Variants in MICAL2 observed in about 807,000 individuals in gnomAD.
MICAL2 encodes the protein microtubule associated monooxygenase, calponin and LIM domain containing 2.
MICAL2 carries 77 observed loss-of-function variants against 127.3 expected under a neutral mutation model. That is an observed-to-expected ratio of 0.60 (90% confidence interval 0.50 to 0.73). MICAL2 has a LOEUF of 0.73. Ranked by LOEUF, MICAL2 falls within the 30% of genes least tolerant of loss-of-function variation. MICAL2 has a pLI of 0.00. For synonymous variants in MICAL2, 570 were observed against 551.1 expected, an observed-to-expected ratio of 1.03 and a Z score of -0.48; for missense variants, 1,351 against 1,434.4, an observed-to-expected ratio of 0.94 and a Z score of 0.94.
At chr11:12,209,317 G>C (rs1209398417) in intron 5 of MICAL2, among the ~76,000 whole-genome samples, 180 bp from the exon 6 acceptor site, 3 of 152,228 alleles carry the variant, frequency 2.0e-5, no homozygotes, top group Admixed American at 2.0e-4. Flanking sequence ...CTGACACTCA[G>C]GTCAGAGGAC....
intron 1 of MICAL2, among the ~76,000 whole-genome samples, chr11:12,125,128 C>A (rs1850810703): frequency 6.6e-6 from 1 of 152,246 alleles, no homozygotes; most frequent in African/African-American, 2.4e-5. Context: ...CTCTGGCTAG[C>A]CTGGGATCTG....
At chr11:12,117,323 C>A (rs1850122051) in intron 1 of MICAL2, among the ~76,000 whole-genome samples, 2 of 152,234 alleles carry the variant, frequency 1.3e-5, no homozygotes, top group African/African-American at 4.8e-5. Context: ...ATCTCCAGAC[C>A]TAAGGTCTTG....
chr11:12,273,980 C>A (rs1035832849), upstream of MICAL2, among the ~76,000 whole-genome samples: 6 of 152,040 alleles, frequency 3.9e-5, no homozygotes, highest in African/African-American at 1.5e-4. Context: ...GTGTAGCCAA[C>A]CCTTCCAGGA....
At chr11:12,334,129 A>G (rs1356289922) in intron 32 of MICAL2, among the ~76,000 whole-genome samples, 1 of 152,200 alleles carries the variant, frequency 6.6e-6, no homozygotes, top group Non-Finnish European at 1.5e-5. Flanking sequence ...GGAAATGAAA[A>G]GACACTCATT....
At chr11:12,224,485 C>A in intron 12 of MICAL2, 188 bp from the exon 13 acceptor site, 1 of 650,458 alleles carries the variant, frequency 1.5e-6, no homozygotes. Flanking sequence ...TCCTGCCACA[C>A]TCCTGACCAG....
downstream of MICAL2, among the ~76,000 whole-genome samples, chr11:12,289,620 G>A (rs1456489244): frequency 2.1e-5 from 3 of 144,614 alleles, no homozygotes; most frequent in East Asian, 2.2e-4. Flanking sequence ...CCAGACTGGA[G>A]TGCAGTGGCG....
At chr11:12,314,379 C>T (rs778392700) in intron 29 of MICAL2, among the ~76,000 whole-genome samples, 24 of 152,104 alleles carry the variant, frequency 1.6e-4, no homozygotes, top group Non-Finnish European at 3.2e-4. Flanking sequence ...ATTATTTTGG[C>T]TGTTACCCAA....
intron 22 of MICAL2, chr11:12,254,695 C>T (rs1194523509): frequency 6.6e-6 from 1 of 152,224 alleles, no homozygotes; most frequent in Admixed American, 6.5e-5. Flanking sequence ...AATTTATTTG[C>T]TAAGCGGCCT....
intron 12 of MICAL2, chr11:12,224,299 T>C (rs1024256969): frequency 1.0e-5 from 2 of 196,450 alleles, no homozygotes; most frequent in Non-Finnish European, 1.0e-5. Context: ...CAGCGCAGAC[T>C]CAGGCAAACC....
intron 3 of MICAL2, among the ~76,000 whole-genome samples, chr11:12,198,055 C>T (rs1783431606): frequency 6.6e-6 from 1 of 152,144 alleles, no homozygotes; most frequent in South Asian, 2.1e-4. Context: ...ACTCCTTTCC[C>T]AGAGCAGCAC....
At chr11:12,218,456 C>A (rs1856446254) in intron 8 of MICAL2, among the ~76,000 whole-genome samples, 1 of 152,162 alleles carries the variant, frequency 6.6e-6, no homozygotes, top group African/African-American at 2.4e-5. Flanking sequence ...TAGGTCCCCA[C>A]TCTCCTGCAT....
intron 3 of MICAL2, among the ~76,000 whole-genome samples, chr11:12,172,873 C>T (rs542241527): frequency 6.6e-6 from 1 of 152,252 alleles, no homozygotes; most frequent in South Asian, 2.1e-4. Flanking sequence ...CTGGAGATCT[C>T]TTTATACTTG....
intron 3 of MICAL2, among the ~76,000 whole-genome samples, chr11:12,178,046 T>G (rs11022229): frequency 0.071 from 10,746 of 152,330 alleles, 461 homozygotes; most frequent in African/African-American, 0.12. Context: ...GGATGAAGGC[T>G]GCTGCCTGAA....
At chr11:12,304,589 C>A (rs138432807) in intron 29 of MICAL2, among the ~76,000 whole-genome samples, 2,734 of 151,228 alleles carry the variant, frequency 0.018, 82 homozygotes, top group East Asian at 0.14. Context: ...GAGCTGAGAT[C>A]GTGCCATTGC....
At chr11:12,278,370 CT>C (rs1275749532) in intron 1 of MICAL2, among the ~76,000 whole-genome samples, 1 of 152,110 alleles carries the variant, frequency 6.6e-6, no homozygotes. Context: ...ACTGGCAGCA[CT>C]GTAGGTTTTA....
intron 3 of MICAL2, among the ~76,000 whole-genome samples, chr11:12,173,741 G>T (rs73414260): frequency 0.02 from 2,989 of 151,976 alleles, 119 homozygotes; most frequent in African/African-American, 0.068. Flanking sequence ...TCATCTTTTT[G>T]TTTGTGTAAA....
chr11:12,301,054 C>A (rs908254981), intron 29 of MICAL2, among the ~76,000 whole-genome samples: 3 of 152,106 alleles, frequency 2.0e-5, no homozygotes, highest in African/African-American at 7.2e-5. Flanking sequence ...TGGCGGGAGG[C>A]AAAAGGCACT....
intron 16 of MICAL2, among the ~76,000 whole-genome samples, chr11:12,238,469 ATT>A (rs1859406462): frequency 6.6e-6 from 1 of 152,224 alleles, no homozygotes; most frequent in South Asian, 2.1e-4. Flanking sequence ...TGAGAAGAGC[ATT>A]TCACCTCGGT....
chr11:12,179,688 C>T (rs1857213273), intron 3 of MICAL2, among the ~76,000 whole-genome samples: 1 of 152,176 alleles, frequency 6.6e-6, no homozygotes, highest in Non-Finnish European at 1.5e-5. Context: ...TGGCCCCACC[C>T]AAAGAGACTC....
Sources: gnomAD v4.1 joint callset for allele counts (sites outside exome capture counted in the v4.1 genomes callset) on GRCh38, gnomAD v4.1.1 for gene constraint, MANE v1.5 for transcripts, NCBI Gene and HGNC (gene_info 2026-07-23, HGNC 2026-07-21) for gene names.